The following TSEN2 variants were observed in gnomAD, a reference collection of about 807,000 sequenced individuals.
TSEN2 encodes tRNA splicing endonuclease subunit 2, also known as tRNA-splicing endonuclease subunit Sen2.
Under a neutral mutation model 59.2 loss-of-function variants are expected in TSEN2, and 54 were observed. The observed-to-expected ratio is 0.91, with a 90% CI of 0.73 to 1.14. The LOEUF (loss-of-function observed/expected upper bound fraction) is 1.14, where lower values mean the gene tolerates loss of function less well. TSEN2 is among the 50% of genes most tolerant of loss of function. The pLI is 0.00. For missense variants in TSEN2, 636 were observed against 576.2 expected, an observed-to-expected ratio of 1.10 and a Z score of -1.06; for synonymous variants, 195 against 198.2, an observed-to-expected ratio of 0.98 and a Z score of 0.14.
intron 8 of TSEN2, among the ~76,000 whole-genome samples, chr3:12,526,263 G>A (rs1342841287): frequency 3.9e-5 from 6 of 152,124 alleles, no homozygotes; most frequent in Non-Finnish European, 8.8e-5. Flanking sequence ...CTAGAACTTC[G>A]CATTCACTCA....
chr3:12,521,955 G>A (rs2056676983), intron 8 of TSEN2, among the ~76,000 whole-genome samples: 1 of 152,146 alleles, frequency 6.6e-6, no homozygotes, highest in Non-Finnish European at 1.5e-5. Context: ...AGCTTGCAGT[G>A]AGCCGATTGC....
downstream of TSEN2, among the ~76,000 whole-genome samples, chr3:12,538,323 G>T (rs1027946806): frequency 1.2e-4 from 19 of 152,348 alleles, no homozygotes; most frequent in East Asian, 3.7e-3. Context: ...CCGAAAGAGG[G>T]TGTGAAGGGA....
rs540083598 is a variant in TSEN2 at position 12,508,143 on chromosome 3, C to T, written c.909+2912C>T. ...TGGCCTGGGAGGTGGCAGCTGTAGGCGAAGGGTATTCCGTGTCAGATGCTG... is the reference window on the plus strand; with the variant it reads ...TGGCCTGGGAGGTGGCAGCTGTAGGTGAAGGGTATTCCGTGTCAGATGCTG... On this transcript the variant is annotated intron_variant, in intron 6 of 11. Transcript: ENST00000284995. Among the ~76,000 whole-genome samples the T allele has an allele frequency of 3.3e-5, 5 of 152,244 alleles. No individual in the cohort carries two copies. The South Asian group carries it at 8.3e-4, about 25-fold the overall frequency.
chr3:12,508,366 G>C lies in TSEN2; in HGVS notation c.909+3135G>C, dbSNP rs138138282. On this transcript the variant is annotated intron_variant, in intron 6 of 11. Transcript: ENST00000284995. ...AACATTTCAGAGATGTGTTCCAGAA[G>C]TTTTCAGGGAGCACACCGTTAAACC... 2.0e-5 allele frequency among the ~76,000 whole-genome samples: 3 copies of C among 152,344 alleles called. No homozygotes were observed. The East Asian group carries it at 5.8e-4, about 29-fold the overall frequency.
intron 8 of TSEN2, among the ~76,000 whole-genome samples, chr3:12,524,281 T>C (rs2056902465): frequency 6.6e-6 from 1 of 152,168 alleles, no homozygotes; most frequent in Non-Finnish European, 1.5e-5. Flanking sequence ...TATCTACCTT[T>C]TAGTTTCCTA....
intron 8 of TSEN2, among the ~76,000 whole-genome samples, chr3:12,520,905 A>C (rs537245968): frequency 1.3e-5 from 2 of 152,134 alleles, no homozygotes; most frequent in Non-Finnish European, 2.9e-5. Context: ...CCTAGTACCC[A>C]GTAGTTATCT....
In TSEN2 at chr3:12,528,880, C is replaced by T. The variant is rs1486716731; in HGVS notation, c.1100-8C>T. 1 of 1,613,644 alleles carries T rather than the reference C, an allele frequency of 6.2e-7. No individual in the cohort carries two copies. Among genetic ancestry groups the T allele is most frequent in the Non-Finnish European group, 8.5e-7 (1 of 1,179,788 alleles). ...GTTATACTTCTTTTTTTTCTTTCTT[C>T]TTTGCAGTGCTATATCGGAAAGGCC... is the stretch of plus-strand genomic sequence containing the variant. On this transcript the variant is annotated splice_region_variant and splice_polypyrimidine_tract_variant and intron_variant, in intron 8 of 11. Transcript: ENST00000284995.
chr3:12,532,754 AACT>A lies in TSEN2; in HGVS notation c.*35_*37del. On this transcript the variant is annotated 3_prime_UTR_variant, in exon 12 of 12. Coordinates refer to ENST00000284995, the MANE Select transcript of TSEN2 (RefSeq NM_025265.4). ...ACCTCAAATTTCTAATTTCACCAAC[AACT>A]ATTTATTGAGGGCTAGGTAAAAAGT... 1 of 1,609,060 alleles carries A rather than the reference AACT, an allele frequency of 6.2e-7. No homozygotes were observed. Among genetic ancestry groups the A allele is most frequent in the East Asian group, 2.2e-5 (1 of 44,866 alleles).
At chr3:12,499,933 T>C (rs1176048793) in intron 4 of TSEN2, among the ~76,000 whole-genome samples, 1 of 152,196 alleles carries the variant, frequency 6.6e-6, no homozygotes, top group Non-Finnish European at 1.5e-5. Context: ...GCACTTCCAG[T>C]GATAAAGGGG....
At chr3:12,513,106 C>CT (rs1220963835) in intron 6 of TSEN2, among the ~76,000 whole-genome samples, 3 of 152,158 alleles carry the variant, frequency 2.0e-5, no homozygotes, top group Non-Finnish European at 4.4e-5. Context: ...TAGTAAGTGC[C>CT]TAGTCGCATT....
intron 4 of TSEN2, among the ~76,000 whole-genome samples, chr3:12,500,136 C>T (rs531414259): frequency 2.6e-5 from 4 of 152,160 alleles, no homozygotes; most frequent in Non-Finnish European, 4.4e-5. Context: ...CCTTCTGCCA[C>T]GCTCCCCCTT....
At chr3:12,503,919 C>T (rs1175877634) in intron 5 of TSEN2, 135 bp downstream of exon 5, 1 of 1,168,308 alleles carries the variant, frequency 8.6e-7, no homozygotes, top group Non-Finnish European at 1.2e-6. Flanking sequence ...CTTTGGGCCA[C>T]AGCAGCTGTG....
intron 6 of TSEN2, among the ~76,000 whole-genome samples, chr3:12,509,577 T>C (rs1051165528): frequency 6.6e-6 from 1 of 152,212 alleles, no homozygotes; most frequent in Non-Finnish European, 1.5e-5. Context: ...TTAATTTTAC[T>C]GTGTGTGCTG....
intron 4 of TSEN2, among the ~76,000 whole-genome samples, chr3:12,499,803 T>G (rs1314242834): frequency 2.6e-5 from 4 of 152,186 alleles, no homozygotes; most frequent in African/African-American, 9.7e-5. Context: ...TTATCCATCT[T>G]CCACAATTGG....
chr3:12,525,801 A>G (rs9837388), intron 8 of TSEN2, among the ~76,000 whole-genome samples: 151,554 of 151,556 alleles, frequency 1, 75,776 homozygotes, highest in Middle Eastern at 1. Context: ...CTGGCCTCAA[A>G]TGATCCACCC....
chr3:12,493,065 G>A (rs911398622), intron 3 of TSEN2, among the ~76,000 whole-genome samples: 3 of 151,998 alleles, frequency 2.0e-5, no homozygotes, highest in African/African-American at 7.3e-5. Flanking sequence ...CTTTCACTTA[G>A]CATATTTTCG....
downstream of TSEN2, among the ~76,000 whole-genome samples, chr3:12,538,532 C>T (rs1337039695): frequency 6.6e-6 from 1 of 151,854 alleles, no homozygotes; most frequent in Non-Finnish European, 1.5e-5. Flanking sequence ...GGTGTAATGG[C>T]TTCCCCCTAA....
chr3:12,503,031 A>C (rs2054458015), intron 4 of TSEN2, among the ~76,000 whole-genome samples: 1 of 152,130 alleles, frequency 6.6e-6, no homozygotes, highest in South Asian at 2.1e-4. Flanking sequence ...AGATCACACC[A>C]CTGCACTCCA....
In TSEN2 at chr3:12,505,943, C is replaced by T. The variant is rs1344500084; in HGVS notation, c.909+712C>T. On this transcript the variant is annotated intron_variant, in intron 6 of 11. Transcript: ENST00000284995. ...TTGCACTACTGCGCTCCAGCTTGGG[C>T]GAAAGAGTGAGACTCTGTGTCAAAC... Among the ~76,000 whole-genome samples the T allele has an allele frequency of 6.6e-5, 10 of 151,336 alleles. No homozygotes were observed. The East Asian group carries it at 1.8e-3, about 27-fold the overall frequency.
Sources: gnomAD v4.1 joint callset for allele counts (sites outside exome capture counted in the v4.1 genomes callset) on GRCh38, gnomAD v4.1.1 for gene constraint, MANE v1.5 for transcripts, NCBI Gene and HGNC (gene_info 2026-07-23, HGNC 2026-07-21) for gene names.